Variants in PLEKHM3 observed in about 807,000 individuals in gnomAD.
The protein encoded by PLEKHM3 is pleckstrin homology domain containing M3, also known as pleckstrin homology domain-containing family M member 3.
PLEKHM3 carries 45 observed loss-of-function variants against 81.8 expected under a neutral mutation model. That is an observed-to-expected ratio of 0.55 (90% CI 0.43 to 0.71). The LOEUF (loss-of-function observed/expected upper bound fraction) is 0.71, where lower values mean the gene tolerates loss of function less well. PLEKHM3 is among the 30% of genes least tolerant of loss of function. The pLI, the probability that PLEKHM3 is intolerant of heterozygous loss-of-function variation, is 0.00. For synonymous variants in PLEKHM3, 352 were observed against 356.4 expected (o/e 0.99, Z 0.14); for missense variants, 788 against 924.3 (o/e 0.85, Z 1.91).
At chr2:207,841,020 T>C (rs1479787881) in intron 7 of PLEKHM3, among the ~76,000 whole-genome samples, 1 of 151,680 alleles carries the variant, frequency 6.6e-6, no homozygotes, top group Non-Finnish European at 1.5e-5. Flanking sequence ...GGTTTCACCA[T>C]GTTGGCCAGG....
chr2:208,021,783 T>C (rs1397548962), intron 1 of PLEKHM3, among the ~76,000 whole-genome samples: 1 of 152,224 alleles, frequency 6.6e-6, no homozygotes, highest in Non-Finnish European at 1.5e-5. Flanking sequence ...GATTTTGTTT[T>C]TTTAAACATA....
intron 1 of PLEKHM3, among the ~76,000 whole-genome samples, chr2:208,023,024 G>T (rs1693177354): frequency 6.6e-6 from 1 of 152,082 alleles, no homozygotes; most frequent in Non-Finnish European, 1.5e-5. Flanking sequence ...AATGGCAAAG[G>T]CAACTAACTA....
chr2:207,854,115 C>G (rs2092426655), intron 7 of PLEKHM3, among the ~76,000 whole-genome samples: 1 of 152,064 alleles, frequency 6.6e-6, no homozygotes, highest in Non-Finnish European at 1.5e-5. Context: ...TTATGCTATT[C>G]AAGTGATACT....
intron 1 of PLEKHM3, among the ~76,000 whole-genome samples, chr2:208,007,670 C>A (rs915519366): frequency 6.6e-6 from 1 of 152,196 alleles, no homozygotes; most frequent in Non-Finnish European, 1.5e-5. Context: ...ATAATCCCAG[C>A]ACTTTGGGAG....
At chr2:207,871,758 A>G (rs2092535973) in intron 6 of PLEKHM3, among the ~76,000 whole-genome samples, 1 of 152,210 alleles carries the variant, frequency 6.6e-6, no homozygotes, top group African/African-American at 2.4e-5. Flanking sequence ...TGGTCCAAAT[A>G]TTCTGAGCTC....
In PLEKHM3 at chr2:208,001,713, G is replaced by C; in HGVS notation, c.-74C>G. ...GCTTCATGAACATTCACCCAACCAA[G>C]AGGGGTGCTTCAGCAATAGAGCTAT... On this transcript the variant is annotated 5_prime_UTR_variant, in exon 2 of 8. Coordinates refer to ENST00000427836, the MANE Select transcript of PLEKHM3 (RefSeq NM_001080475.3). 6.5e-7 allele frequency: 1 copy of C among 1,533,802 alleles called. No homozygotes were observed.
At chr2:207,896,896 C>T (rs1688243230) in intron 6 of PLEKHM3, among the ~76,000 whole-genome samples, 1 of 152,206 alleles carries the variant, frequency 6.6e-6, no homozygotes, top group African/African-American at 2.4e-5. Flanking sequence ...CAGGATTCTA[C>T]AAAATTTACA....
chr2:208,022,644 C>T (rs1327652154), intron 1 of PLEKHM3, among the ~76,000 whole-genome samples: 2 of 152,184 alleles, frequency 1.3e-5, no homozygotes, highest in East Asian at 1.9e-4. Context: ...AGTTCCTCTC[C>T]ACCTTCGAAG....
intron 2 of PLEKHM3, among the ~76,000 whole-genome samples, chr2:207,992,357 T>C (rs956241434): frequency 3.9e-5 from 6 of 152,190 alleles, no homozygotes; most frequent in African/African-American, 1.2e-4. Context: ...GAGTATTAAC[T>C]AAGATAATGA....
intron 4 of PLEKHM3, among the ~76,000 whole-genome samples, chr2:207,945,284 A>C (rs1690084251): frequency 6.6e-6 from 1 of 152,056 alleles, no homozygotes; most frequent in Non-Finnish European, 1.5e-5. Context: ...CCTAAGTTGG[A>C]GGGTCCCCGT....
chr2:207,841,141 T>C (rs537299288), intron 7 of PLEKHM3, among the ~76,000 whole-genome samples: 112 of 152,034 alleles, frequency 7.4e-4, no homozygotes, highest in Non-Finnish European at 1.3e-3. Flanking sequence ...TTTGCTTCCA[T>C]GGCTTAGAAA....
intron 6 of PLEKHM3, among the ~76,000 whole-genome samples, chr2:207,881,160 T>C (rs1320824889): frequency 6.6e-6 from 1 of 152,138 alleles, no homozygotes; most frequent in Non-Finnish European, 1.5e-5. Flanking sequence ...AAATACCCAA[T>C]ACAAACAAGA....
rs530798171 is a variant in PLEKHM3 at position 207,962,605 on chromosome 2, C to A, written c.1546+14046G>T. 3.3e-5 allele frequency among the ~76,000 whole-genome samples: 5 copies of A among 152,290 alleles called. No homozygotes were observed. In the South Asian group the frequency reaches 8.3e-4, roughly 25 times the overall value. On this transcript the variant is annotated intron_variant, in intron 3 of 7. Coordinates refer to ENST00000427836, the MANE Select transcript of PLEKHM3 (RefSeq NM_001080475.3). Reference sequence around the variant, plus strand: ...GTCACTGTGCAGGTGGCCTGGGAACCCCCTGAACTTGCACTGGCATCTGAA... The same window carrying A: ...GTCACTGTGCAGGTGGCCTGGGAACACCCTGAACTTGCACTGGCATCTGAA...
Position 207,922,389 on chromosome 2 carries a change from T to C in PLEKHM3, c.1886+8537A>G, listed in dbSNP as rs542586655. On this transcript the variant is annotated intron_variant, in intron 5 of 7. Transcript: ENST00000427836. The stretch of plus-strand genomic sequence containing the variant: ...TAAACTATTCTACACATAATTACTA[T>C]TATTAACAAGCTTTTATTGCACCAC... Among the ~76,000 whole-genome samples, 128 of 152,354 alleles carry C rather than the reference T, an allele frequency of 8.4e-4. 1 individual carries two copies. The highest frequency in any genetic ancestry group is 1.2e-3 in the Non-Finnish European group (84 of 68,024).
At position 207,960,694 on chromosome 2, in the gene PLEKHM3, A is replaced by G. The variant is rs114459735; in HGVS notation, c.1547-14182T>C. ...GCACTCAGATGCATGTTGGTGGGTG[A>G]CATTATTGAGAGATGAAGATCACAC... On this transcript the variant is annotated intron_variant, in intron 3 of 7. Coordinates refer to ENST00000427836, the MANE Select transcript of PLEKHM3 (RefSeq NM_001080475.3). Among the ~76,000 whole-genome samples the G allele has an allele frequency of 1.3e-3, 202 of 152,304 alleles. 2 individuals carry two copies. Among genetic ancestry groups the G allele is most frequent in the African/African-American group, 4.5e-3 (188 of 41,570 alleles).
chr2:207,903,553 T>C (rs1414416984), intron 6 of PLEKHM3, among the ~76,000 whole-genome samples: 1 of 152,206 alleles, frequency 6.6e-6, no homozygotes, highest in East Asian at 1.9e-4. Flanking sequence ...AGAGCACAGG[T>C]AGCCAAAATT....
At chr2:207,864,539 G>A (rs2092485471) in intron 6 of PLEKHM3, among the ~76,000 whole-genome samples, 1 of 152,188 alleles carries the variant, frequency 6.6e-6, no homozygotes, top group African/African-American at 2.4e-5. Flanking sequence ...AACCAGGATA[G>A]AGAACAGTCT....
chr2:207,940,235 G>A (rs1462698237), intron 4 of PLEKHM3, among the ~76,000 whole-genome samples: 1 of 152,156 alleles, frequency 6.6e-6, no homozygotes, highest in East Asian at 1.9e-4. Flanking sequence ...AATGAAAATA[G>A]TAACAGCTTC....
chr2:207,925,183 TAG>T (rs1009969561), intron 5 of PLEKHM3, among the ~76,000 whole-genome samples: 56 of 150,630 alleles, frequency 3.7e-4, no homozygotes, highest in African/African-American at 1.3e-3. Flanking sequence ...GTAAAAAAAT[TAG>T]AGAGTATGAC....
Sources: gnomAD v4.1 joint callset for allele counts (sites outside exome capture counted in the v4.1 genomes callset) on GRCh38, gnomAD v4.1.1 for gene constraint, MANE v1.5 for transcripts, NCBI Gene and HGNC (gene_info 2026-07-23, HGNC 2026-07-21) for gene names.